TTC17: variants seen among roughly 807,000 people sequenced by gnomAD.
TTC17 encodes the protein tetratricopeptide repeat protein 17.
In TTC17, 58 loss-of-function variants were observed where a neutral mutation model predicts 143.8. That is an observed-to-expected ratio of 0.40 (90% CI 0.33 to 0.50). The LOEUF (loss-of-function observed/expected upper bound fraction) is 0.50, where lower values mean the gene tolerates loss of function less well. Among genes scored for constraint, TTC17 ranks in the 20% least tolerant of loss-of-function variants. The probability of loss-of-function intolerance (pLI) is 0.49; values close to 1 mark genes in which losing one functional copy is unlikely to be tolerated. For synonymous variants in TTC17, 501 were observed against 497.8 expected, an observed-to-expected ratio of 1.01 and a Z score of -0.09; for missense variants, 1,273 against 1,392.5, an observed-to-expected ratio of 0.91 and a Z score of 1.37.
At chr11:43,470,025 T>A (rs183557824) in intron 21 of TTC17, among the ~76,000 whole-genome samples, 1 of 152,218 alleles carries the variant, frequency 6.6e-6, no homozygotes, top group Admixed American at 6.5e-5. Flanking sequence ...GAAATGAGGA[T>A]GGCTTTACAA....
intron 16 of TTC17, among the ~76,000 whole-genome samples, chr11:43,417,578 G>C (rs1946806522): frequency 1.3e-5 from 2 of 152,162 alleles, no homozygotes; most frequent in Admixed American, 1.3e-4. Flanking sequence ...GCTCATGCCT[G>C]TAATCCCAGC....
intron 21 of TTC17, among the ~76,000 whole-genome samples, chr11:43,485,883 G>GTT (rs751026290): frequency 1.5e-3 from 167 of 112,580 alleles, no homozygotes; most frequent in African/African-American, 4.7e-3. Context: ...TTGGTTTTTT[G>GTT]TTTTTTTTTT....
intron 16 of TTC17, among the ~76,000 whole-genome samples, chr11:43,416,328 C>T (rs1946778659): frequency 6.6e-6 from 1 of 152,164 alleles, no homozygotes; most frequent in South Asian, 2.1e-4. Flanking sequence ...TCATCTCCCT[C>T]AACTCTGTTG....
At chr11:43,365,716 T>C (rs1286921399) in intron 1 of TTC17, among the ~76,000 whole-genome samples, 1 of 152,220 alleles carries the variant, frequency 6.6e-6, no homozygotes, top group Non-Finnish European at 1.5e-5. Flanking sequence ...AAAATGCAGA[T>C]TTCCAAGACA....
At chr11:43,436,621 T>C (rs547959371) in intron 16 of TTC17, among the ~76,000 whole-genome samples, 5 of 152,176 alleles carry the variant, frequency 3.3e-5, no homozygotes, top group Non-Finnish European at 7.4e-5. Flanking sequence ...GATAAGTTGC[T>C]TTTACATTAA....
At chr11:43,411,422 TC>T (rs1176972982) in intron 15 of TTC17, among the ~76,000 whole-genome samples, 1 of 150,654 alleles carries the variant, frequency 6.6e-6, no homozygotes, top group Non-Finnish European at 1.5e-5. Flanking sequence ...AATGGTGCAC[TC>T]CCCCCGCCCC....
In TTC17 at chr11:43,390,896, C is replaced by T. The variant is rs181898408; in HGVS notation, c.420-569C>T. Among the ~76,000 whole-genome samples, 1,142 of 152,194 alleles carry T rather than the reference C, an allele frequency of 7.5e-3. 14 individuals carry two copies. Among genetic ancestry groups the T allele is most frequent in the African/African-American group, 0.026 (1,078 of 41,526 alleles). ...GGAAGTATAAATTGGTTTAACGTTT[C>T]TAGACAATTGAGCAGTTGTATTAGT... On this transcript the variant is annotated intron_variant, in intron 3 of 23. Transcript: ENST00000039989.
chr11:43,397,337 C>A lies in TTC17; in HGVS notation c.774-10C>A. ...CTACATAATCATGGAATATGTGCTG[C>A]TTTCCTTAGGCACAATAAAGACATT... On this transcript the variant is annotated splice_polypyrimidine_tract_variant and intron_variant, in intron 6 of 23. Transcript: ENST00000039989. The A allele has an allele frequency of 1.2e-6, 2 of 1,603,634 alleles. No homozygotes were observed. Among genetic ancestry groups the A allele is most frequent in the Non-Finnish European group, 1.7e-6 (2 of 1,177,338 alleles).
intron 16 of TTC17, chr11:43,436,312 C>T (rs773374508): frequency 3.8e-6 from 5 of 1,302,030 alleles, no homozygotes; most frequent in Non-Finnish European, 3.9e-6. Flanking sequence ...CAGGGAGGGA[C>T]TCAGATGCCC....
chr11:43,461,390 C>CAAAAAAAA (rs750240102), intron 21 of TTC17, among the ~76,000 whole-genome samples: 3 of 36,058 alleles, frequency 8.3e-5, no homozygotes, highest in East Asian at 1.3e-3. Flanking sequence ...AACTCCGTCT[C>CAAAAAAAA]AAAAAAAAAA....
Position 43,475,565 on chromosome 11 carries a change from T to A in TTC17, c.3031-14674T>A, listed in dbSNP as rs4254062. On this transcript the variant is annotated intron_variant, in intron 21 of 23. Transcript: ENST00000039989. ...TGCCCAGGTTCCTGGACTCAAGCAG[T>A]CCACCCACCTCCACCTCCAAAAGTG... Among the ~76,000 whole-genome samples the A allele has an allele frequency of 1.4e-4, 21 of 152,214 alleles. No homozygotes were observed. In the East Asian group the frequency reaches 2.3e-3, roughly 17 times the overall value.
intron 1 of TTC17, among the ~76,000 whole-genome samples, chr11:43,362,637 G>T (rs1452026782): frequency 6.6e-6 from 1 of 151,920 alleles, no homozygotes; most frequent in African/African-American, 2.4e-5. Context: ...AGAGATGGGG[G>T]TCTTTCTTTA....
At chr11:43,413,820 G>A (rs752136988) in intron 15 of TTC17, among the ~76,000 whole-genome samples, 10 of 152,046 alleles carry the variant, frequency 6.6e-5, no homozygotes, top group African/African-American at 1.9e-4. Context: ...TGACAATACA[G>A]AGTCTCTGAA....
At chr11:43,434,542 A>G (rs1372640741) in intron 16 of TTC17, among the ~76,000 whole-genome samples, 1 of 152,210 alleles carries the variant, frequency 6.6e-6, no homozygotes, top group African/African-American at 2.4e-5. Flanking sequence ...ATGAAGATGC[A>G]CATGGTTTTT....
intron 22 of TTC17, chr11:43,490,775 C>A (rs1046938441): frequency 1.4e-5 from 2 of 141,996 alleles, no homozygotes; most frequent in African/African-American, 5.2e-5. Flanking sequence ...TGCTTCCAAG[C>A]ACAGAGATAG....
chr11:43,444,559 G>T, intron 18 of TTC17: 1 of 165,664 alleles, frequency 6.0e-6, no homozygotes. Flanking sequence ...TAAGACAAAG[G>T]ACTGAAGCAA....
At chr11:43,461,716 A>C (rs1947871570) in intron 21 of TTC17, among the ~76,000 whole-genome samples, 1 of 152,210 alleles carries the variant, frequency 6.6e-6, no homozygotes, top group African/African-American at 2.4e-5. Context: ...AGGAGTTTCA[A>C]TTTTATGTAC....
chr11:43,401,572 T>G lies in TTC17; in HGVS notation c.1332+14T>G, dbSNP rs1857857760. 13 of 1,548,040 alleles carry G rather than the reference T, an allele frequency of 8.4e-6. No homozygotes were observed. The highest frequency in any genetic ancestry group is 1.1e-5 in the Non-Finnish European group (13 of 1,131,984). On this transcript the variant is annotated intron_variant, in intron 10 of 23. Coordinates refer to ENST00000039989, the MANE Select transcript of TTC17 (RefSeq NM_018259.6). ...GACTATGTTCAGGTCTTTTTCTTGGTCCAGTCTAATTCTTATAAACGTTTG... is the reference window on the plus strand; with the variant it reads ...GACTATGTTCAGGTCTTTTTCTTGGGCCAGTCTAATTCTTATAAACGTTTG...
intron 9 of TTC17, among the ~76,000 whole-genome samples, chr11:43,400,716 G>C (rs1215182615): frequency 6.6e-6 from 1 of 152,100 alleles, no homozygotes; most frequent in Admixed American, 6.5e-5. Context: ...AGGGTATCTA[G>C]CTTTTATTAA....
Sources: allele counts gnomAD v4.1 joint callset (sites outside exome capture counted in the v4.1 genomes callset), GRCh38; gene constraint gnomAD v4.1.1; transcripts MANE v1.5; gene names NCBI Gene and HGNC (gene_info 2026-07-23, HGNC 2026-07-21).